The following SGCD variants were observed in gnomAD, a reference collection of about 807,000 sequenced individuals.
SGCD encodes the protein delta-sarcoglycan.
SGCD carries 18 observed loss-of-function variants against 36.6 expected under a neutral mutation model. The observed-to-expected ratio is 0.49, with a 90% CI of 0.34 to 0.73. The LOEUF is 0.73. SGCD is among the 30% of genes least tolerant of loss of function. SGCD has a pLI of 0.01. For synonymous variants in SGCD, 133 were observed against 130.6 expected, an observed-to-expected ratio of 1.02 and a Z score of -0.12; for missense variants, 387 against 346.7, an observed-to-expected ratio of 1.12 and a Z score of -0.92.
At position 156,364,704 on chromosome 5, in the gene SGCD, T is replaced by G. The variant is rs542775624; in HGVS notation, c.192+20027T>G. 6.6e-5 allele frequency among the ~76,000 whole-genome samples: 10 copies of G among 152,310 alleles called. No homozygotes were observed. The East Asian group carries it at 1.2e-3, about 18-fold the overall frequency. On this transcript the variant is annotated intron_variant, in intron 3 of 8. Coordinates refer to ENST00000337851, the MANE Select transcript of SGCD (RefSeq NM_000337.6). ...TTTGCTCATTTCAGAGGATAAGAAA[T>G]GAGGACTGGCTATTGTTAGTGACAG...
chr5:156,464,737 C>T (rs1482187387), intron 3 of SGCD, among the ~76,000 whole-genome samples: 8 of 152,094 alleles, frequency 5.3e-5, no homozygotes, highest in South Asian at 2.1e-4. Context: ...TCCCCTTGAA[C>T]GAACATGGCT....
At chr5:155,913,683 T>C (rs765368997) in intron 1 of SGCD, among the ~76,000 whole-genome samples, 7 of 152,182 alleles carry the variant, frequency 4.6e-5, no homozygotes, top group African/African-American at 7.2e-5. Flanking sequence ...CTTCAGACCA[T>C]GTCAGACAAA....
the SGCD span, among the ~76,000 whole-genome samples, chr5:155,854,154 A>T: frequency 1.3e-5 from 2 of 152,178 alleles, no homozygotes; most frequent in African/African-American, 4.8e-5. Context: ...GGATTCGTTA[A>T]TCAAGGCACA....
At chr5:156,669,001 C>T (rs1731201983) in intron 7 of SGCD, among the ~76,000 whole-genome samples, 1 of 152,196 alleles carries the variant, frequency 6.6e-6, no homozygotes, top group Non-Finnish European at 1.5e-5. Context: ...ACTCTTGAAT[C>T]TCCTTCAACT....
At chr5:155,981,816 T>C (rs1323931672) in intron 1 of SGCD, among the ~76,000 whole-genome samples, 5 of 152,206 alleles carry the variant, frequency 3.3e-5, no homozygotes, top group Admixed American at 3.3e-4. Context: ...AGACTTGGCA[T>C]TTAGTGATGT....
chr5:156,285,372 C>A (rs970678657), intron 3 of SGCD, among the ~76,000 whole-genome samples: 7 of 152,174 alleles, frequency 4.6e-5, no homozygotes, highest in Non-Finnish European at 1.0e-4. Flanking sequence ...CCATGTGAAT[C>A]CTAAGCCAAA....
chr5:156,425,017 T>G (rs1773608574), intron 3 of SGCD, among the ~76,000 whole-genome samples: 1 of 152,062 alleles, frequency 6.6e-6, no homozygotes, highest in South Asian at 2.1e-4. Flanking sequence ...AACCCTATTG[T>G]CGAGGAATAG....
chr5:156,723,305 T>G (rs1561876996), intron 7 of SGCD, among the ~76,000 whole-genome samples: 1 of 152,196 alleles, frequency 6.6e-6, no homozygotes, highest in Non-Finnish European at 1.5e-5. Context: ...ACACATTCAT[T>G]CAGTGGCTGC....
intron 3 of SGCD, among the ~76,000 whole-genome samples, chr5:156,366,107 G>A (rs1332929435): frequency 6.6e-6 from 1 of 152,232 alleles, no homozygotes; most frequent in Non-Finnish European, 1.5e-5. Context: ...GCAAATGTGA[G>A]ACCATTCAGT....
At chr5:156,671,524 T>C (rs566616048) in intron 7 of SGCD, among the ~76,000 whole-genome samples, 1 of 152,258 alleles carries the variant, frequency 6.6e-6, no homozygotes, top group East Asian at 1.9e-4. Context: ...TCCACCCACC[T>C]CGGCCTCCCA....
At chr5:156,593,641 A>G (rs1391951880) in intron 5 of SGCD, among the ~76,000 whole-genome samples, 1 of 152,152 alleles carries the variant, frequency 6.6e-6, no homozygotes, top group Admixed American at 6.5e-5. Flanking sequence ...ATAAGCTAAT[A>G]TAAGGTCACA....
chr5:156,598,846 T>C (rs1286352268), intron 6 of SGCD, among the ~76,000 whole-genome samples: 2 of 152,196 alleles, frequency 1.3e-5, no homozygotes, highest in East Asian at 3.8e-4. Context: ...GACTGAAGAC[T>C]GGGAAATGAT....
chr5:155,935,050 T>A (rs1212456190), intron 1 of SGCD, among the ~76,000 whole-genome samples: 1 of 152,190 alleles, frequency 6.6e-6, no homozygotes, highest in Non-Finnish European at 1.5e-5. Flanking sequence ...GCACATCATT[T>A]TGTGACTAGT....
At chr5:156,006,979 T>C (rs1192669644) in intron 1 of SGCD, among the ~76,000 whole-genome samples, 2 of 152,230 alleles carry the variant, frequency 1.3e-5, no homozygotes, top group East Asian at 3.8e-4. Flanking sequence ...AATTTTTATC[T>C]TTTACATGAC....
chr5:156,385,662 C>T (rs1362287459), intron 3 of SGCD, among the ~76,000 whole-genome samples: 1 of 152,104 alleles, frequency 6.6e-6, no homozygotes, highest in Non-Finnish European at 1.5e-5. Flanking sequence ...CTTATCTGGG[C>T]CTGCAAAGAA....
At chr5:156,061,140 T>C (rs1326466257) in intron 1 of SGCD, among the ~76,000 whole-genome samples, 1 of 145,732 alleles carries the variant, frequency 6.9e-6, no homozygotes, top group Non-Finnish European at 1.5e-5. Context: ...TTAATGAGTC[T>C]ATAAGATTTT....
intron 1 of SGCD, among the ~76,000 whole-genome samples, chr5:155,916,318 C>T (rs757928014): frequency 4.7e-4 from 72 of 152,146 alleles, no homozygotes; most frequent in Non-Finnish European, 9.1e-4. Context: ...AAAAATAACT[C>T]TTGGGTTTAT....
At chr5:156,117,867 T>C (rs1761941820) in intron 1 of SGCD, 1 of 152,184 alleles carries the variant, frequency 6.6e-6, no homozygotes, top group Admixed American at 6.6e-5. Flanking sequence ...TCCTTTTTTG[T>C]GTGTTCACAG....
At chr5:156,271,420 G>T (rs1702738657) in intron 3 of SGCD, among the ~76,000 whole-genome samples, 3 of 152,130 alleles carry the variant, frequency 2.0e-5, no homozygotes, top group South Asian at 2.1e-4. Context: ...TGAGGCAGGA[G>T]CTTCTTATGC....
Sources: allele counts gnomAD v4.1 joint callset (sites outside exome capture counted in the v4.1 genomes callset), GRCh38; gene constraint gnomAD v4.1.1; transcripts MANE v1.5; gene names NCBI Gene and HGNC (gene_info 2026-07-23, HGNC 2026-07-21).